ITGA10: variants seen among roughly 807,000 people sequenced by gnomAD.
The protein encoded by ITGA10 is integrin alpha-10.
Under a neutral mutation model 145.2 loss-of-function variants are expected in ITGA10, and 105 were observed. The observed-to-expected ratio is 0.72, with a 90% CI of 0.62 to 0.85. The LOEUF (loss-of-function observed/expected upper bound fraction) is 0.85, where lower values mean the gene tolerates loss of function less well. Among genes scored for constraint, ITGA10 ranks in the 40% least tolerant of loss-of-function variants. The probability of loss-of-function intolerance (pLI) is 0.00; values close to 1 mark genes in which losing one functional copy is unlikely to be tolerated. For missense variants in ITGA10, 1,317 were observed against 1,444.5 expected (o/e 0.91, Z 1.43); for synonymous variants, 506 against 557.8 (o/e 0.91, Z 1.31).
chr1:145,897,331 G>A lies in ITGA10; in HGVS notation c.2583C>T (p.Ser861=). 1.9e-6 allele frequency: 3 copies of A among 1,614,008 alleles called. No individual in the cohort carries two copies. The highest frequency in any genetic ancestry group is 2.2e-5 in the East Asian group (1 of 44,874). Residue 861 remains serine, a synonymous_variant, in exon 21 of 30, where the codon AGC becomes AGT. Transcript: ENST00000369304. The stretch of plus-strand genomic sequence containing the variant: ...GGGCGGCACATTCCACCTTTATTGG[G>A]CTCTCTCTCTGAGGGCAGGGGAATG... ...HLASLTPQRE[S]PIKVECAAPS... is the part of the protein sequence containing the mutation.
At chr1:145,908,548 A>C (rs1477907906) in intron 1 of ITGA10, among the ~76,000 whole-genome samples, 1 of 152,094 alleles carries the variant, frequency 6.6e-6, no homozygotes, top group Non-Finnish European at 1.5e-5. Flanking sequence ...TTTGACCCCA[A>C]TGCCTTTAAA....
Position 145,898,163 on chromosome 1 carries a change from T to C in ITGA10, c.2293A>G (p.Thr765Ala). The change falls in exon 18 of 30, where the codon ACA becomes GCA. Residue 765 changes from threonine to alanine, a missense_variant. Coordinates refer to ENST00000369304, the MANE Select transcript of ITGA10 (RefSeq NM_003637.5). ...LTVTFALDNT[T>A]KPGPVLNEGS... ...TCATTCAGCACAGGCCCTGGCTTTG[T>C]AGTATTGTCCAAGGCAAAGGTCACA... The C allele has an allele frequency of 6.2e-7, 1 of 1,614,024 alleles. No homozygotes were observed. The highest frequency in any genetic ancestry group is 1.1e-5 in the South Asian group (1 of 91,066).
At chr1:145,908,980 G>A (rs1657497620) in intron 1 of ITGA10, among the ~76,000 whole-genome samples, 1 of 151,932 alleles carries the variant, frequency 6.6e-6, no homozygotes, top group Non-Finnish European at 1.5e-5. Context: ...TACCCCTATA[G>A]GGCTTAGGAT....
In ITGA10 at chr1:145,904,243, T is replaced by TG. The variant is rs782080562; in HGVS notation, c.610-44dup. 13 of 1,598,240 alleles carry TG rather than the reference T, an allele frequency of 8.1e-6. No homozygotes were observed. In the Admixed American group the frequency reaches 1.2e-4, roughly 14 times the overall value. On this transcript the variant is annotated intron_variant, in intron 6 of 29. Transcript: ENST00000369304. ...TCAAATGAAATGTATGTATGTGAGA[T>TG]GGGGGGAGAGGAGGAAGAAGAAAGT...
chr1:145,906,206 G>A, intron 5 of ITGA10, 188 bp downstream of exon 5: 2 of 537,048 alleles, frequency 3.7e-6, no homozygotes, highest in South Asian at 2.0e-5. Context: ...TAGAATTACA[G>A]GTGTGGGCCA....
intron 8 of ITGA10, 49 bp from the exon 9 acceptor site, chr1:145,902,668 C>A: frequency 1.3e-6 from 2 of 1,553,938 alleles, no homozygotes; most frequent in Non-Finnish European, 1.7e-6. Context: ...TGGTACAGAA[C>A]ACAGCCAACT....
At position 145,897,296 on chromosome 1, in the gene ITGA10, T is replaced by A. The variant is rs1324350064; in HGVS notation, c.2618A>T (p.His873Leu). Residue 873 changes from histidine (H) to leucine (L), a missense_variant, in exon 21 of 30, where the codon CAT (histidine) becomes CTT (leucine). Coordinates refer to ENST00000369304, the MANE Select transcript of ITGA10 (RefSeq NM_003637.5). ...IKVECAAPSA[H>L]ARLCSVGHPV... ...ATGCCCCACACTGCAGAGCCGGGCA[T>A]GAGCAGAAGGGGCGGCACATTCCAC... The A allele has an allele frequency of 6.2e-7, 1 of 1,614,050 alleles. No homozygotes were observed. The highest frequency in any genetic ancestry group is 1.7e-5 in the Admixed American group (1 of 60,012).
chr1:145,907,817 T>C (rs587765696), intron 1 of ITGA10, among the ~76,000 whole-genome samples: 1 of 134,160 alleles, frequency 7.5e-6, no homozygotes, highest in South Asian at 2.6e-4. Flanking sequence ...TCGCCCAGGC[T>C]GGAGTGCAGT....
At chr1:145,908,241 A>C (rs1193201187) in intron 1 of ITGA10, among the ~76,000 whole-genome samples, 3 of 152,084 alleles carry the variant, frequency 2.0e-5, no homozygotes, top group Admixed American at 2.0e-4. Context: ...CTCCTTCTCT[A>C]TCTCTTCCTG....
At chr1:145,905,203 G>C (rs1656963042) in intron 5 of ITGA10, among the ~76,000 whole-genome samples, 1 of 152,044 alleles carries the variant, frequency 6.6e-6, no homozygotes, top group Admixed American at 6.6e-5. Context: ...TGATGGTGAG[G>C]AATGAAACAT....
chr1:145,893,219 A>G lies in ITGA10; in HGVS notation c.3380T>C (p.Ile1127Thr), dbSNP rs1351554956. The G allele has an allele frequency of 1.9e-6, 3 of 1,614,044 alleles. No homozygotes were observed. The African/African-American group carries it at 4.0e-5, about 22-fold the overall frequency. Residue 1127 changes from isoleucine to threonine, a missense_variant, in exon 29 of 30, where the codon ATA (isoleucine) becomes ACA (threonine). Coordinates refer to ENST00000369304, the MANE Select transcript of ITGA10 (RefSeq NM_003637.5). Reference protein sequence around the residue: ...RPILISLWILIGSVLGGLLLL... With the variant: ...RPILISLWILTGSVLGGLLLL... The stretch of plus-strand genomic sequence containing the variant: ...GAGCAACCCTCCCAGGACACTGCCT[A>G]TGAGGATCCACAGGGAGATGAGGAT...
chr1:145,893,481 C>T (rs115691899), intron 28 of ITGA10, 59 bp downstream of exon 28: 48 of 1,378,618 alleles, frequency 3.5e-5, no homozygotes, highest in Non-Finnish European at 4.5e-5. Flanking sequence ...CACGGGTGGC[C>T]CTACCACATA....
chr1:145,900,543 G>T (rs190815140), intron 14 of ITGA10, among the ~76,000 whole-genome samples: 1 of 152,064 alleles, frequency 6.6e-6, no homozygotes, highest in Non-Finnish European at 1.5e-5. Flanking sequence ...GATTACAGGC[G>T]TGAACCACCA....
intron 2 of ITGA10, 100 bp from the exon 3 acceptor site, chr1:145,907,250 C>T: frequency 3.1e-6 from 5 of 1,594,388 alleles, no homozygotes; most frequent in Non-Finnish European, 4.3e-6. Flanking sequence ...AGAGCCCCAG[C>T]CACTTTCAAA....
chr1:145,907,524 G>C (rs185371685), intron 1 of ITGA10, 59 bp from the exon 2 acceptor site: 2 of 1,603,376 alleles, frequency 1.2e-6, no homozygotes, highest in Non-Finnish European at 1.7e-6. Context: ...GGCACAGCCC[G>C]AGAGAAGCTG....
In ITGA10 at chr1:145,893,238, TGAG is replaced by T; in HGVS notation, c.3358_3360del (p.Leu1120del). 3 of 1,614,080 alleles carry T rather than the reference TGAG, an allele frequency of 1.9e-6. No individual in the cohort carries two copies. The highest frequency in any genetic ancestry group is 2.5e-6 in the Non-Finnish European group (3 of 1,179,998). ...CTGCCTATGAGGATCCACAGGGAGA[TGAG>T]GATAGGCCGGGTCTGAACCACCTCC... On this transcript the variant is annotated inframe_deletion, in exon 29 of 30. Transcript: ENST00000369304.
At chr1:145,902,081 AC>A (rs1410593883) in intron 10 of ITGA10, 60 bp from the exon 11 acceptor site, 15 of 1,420,418 alleles carry the variant, frequency 1.1e-5, no homozygotes, top group East Asian at 2.3e-5. Flanking sequence ...GAGAAAAAAA[AC>A]GTTCCAGGAG....
chr1:145,901,106 C>T lies in ITGA10; in HGVS notation c.1587+29G>A. On this transcript the variant is annotated intron_variant, in intron 13 of 29. Coordinates refer to ENST00000369304, the MANE Select transcript of ITGA10 (RefSeq NM_003637.5). This position sits in a 1 kb window ranked among gnomAD's most constrained non-coding sequence, Gnocchi z 4.3. ...CTCCCTCCACCCCCACAATGCAAGT[C>T]CAGGGCAGGGGGTCCCAGCAAGTCT... 1.2e-6 allele frequency: 2 copies of T among 1,613,556 alleles called. No homozygotes were observed. The highest frequency in any genetic ancestry group is 1.7e-6 in the Non-Finnish European group (2 of 1,179,774).
intron 10 of ITGA10, 93 bp from the exon 11 acceptor site, chr1:145,902,114 G>T: frequency 6.3e-7 from 1 of 1,579,698 alleles, no homozygotes; most frequent in Non-Finnish European, 8.7e-7. Flanking sequence ...CTGAGGGTCT[G>T]CTGGGCTCAG....
Sources: allele counts gnomAD v4.1 joint callset (sites outside exome capture counted in the v4.1 genomes callset), GRCh38; gene constraint gnomAD v4.1.1; non-coding constraint Gnocchi (gnomAD v3.1); transcripts MANE v1.5; gene names NCBI Gene and HGNC (gene_info 2026-07-23, HGNC 2026-07-21).